PRKCE: variants seen among roughly 807,000 people sequenced by gnomAD.
PRKCE encodes protein kinase C epsilon, also known as protein kinase C epsilon type.
PRKCE carries 16 observed loss-of-function variants against 85.4 expected under a neutral mutation model. That is an observed-to-expected ratio of 0.19 (90% CI 0.13 to 0.28). The LOEUF (loss-of-function observed/expected upper bound fraction) is 0.28, where lower values mean the gene tolerates loss of function less well. Among genes scored for constraint, PRKCE ranks in the 10% least tolerant of loss-of-function variants. The probability of loss-of-function intolerance (pLI) is 1.00; values close to 1 mark genes in which losing one functional copy is unlikely to be tolerated. For missense variants in PRKCE, 573 were observed against 975.2 expected (o/e 0.59, Z 5.49); for synonymous variants, 388 against 371.5 (o/e 1.04, Z -0.51).
intron 2 of PRKCE, among the ~76,000 whole-genome samples, chr2:45,963,890 G>C (rs1701554347): frequency 2.0e-5 from 3 of 152,248 alleles, no homozygotes; most frequent in African/African-American, 7.2e-5. Flanking sequence ...TTGGCTCACT[G>C]CGGTAGTCTG....
At chr2:45,960,000 C>G (rs1370725636) in intron 2 of PRKCE, among the ~76,000 whole-genome samples, 3 of 152,148 alleles carry the variant, frequency 2.0e-5, no homozygotes, top group African/African-American at 7.2e-5. Flanking sequence ...AGAAATTGGC[C>G]TCTCCTCTTC....
chr2:45,840,369 A>G (rs922943130), intron 1 of PRKCE: 14 of 152,256 alleles, frequency 9.2e-5, no homozygotes, highest in Admixed American at 4.6e-4. Context: ...CCTGTTTGTC[A>G]TTCGCTGCAG....
intron 2 of PRKCE, among the ~76,000 whole-genome samples, chr2:45,878,975 A>G (rs912696962): frequency 6.6e-6 from 1 of 152,230 alleles, no homozygotes; most frequent in African/African-American, 2.4e-5. Context: ...CAGGACGCAG[A>G]GAAATTCTAG....
intron 10 of PRKCE, among the ~76,000 whole-genome samples, chr2:46,064,422 G>A (rs529859968): frequency 3.8e-4 from 58 of 152,176 alleles, no homozygotes; most frequent in African/African-American, 1.3e-3. Flanking sequence ...TCAGTAATTG[G>A]CAATCCCAAA....
intron 2 of PRKCE, among the ~76,000 whole-genome samples, chr2:45,858,014 C>T (rs1573630215): frequency 1.3e-5 from 2 of 152,236 alleles, no homozygotes; most frequent in Non-Finnish European, 2.9e-5. Context: ...TGAGCGTCCA[C>T]GTGTGGCCTG....
chr2:45,770,390 C>T (rs192661935), intron 1 of PRKCE, among the ~76,000 whole-genome samples: 2 of 152,268 alleles, frequency 1.3e-5, no homozygotes, highest in African/African-American at 4.8e-5. Flanking sequence ...GTGCATATTG[C>T]CTAAGGTTCT....
At chr2:45,846,822 C>T (rs1373738234) in intron 2 of PRKCE, among the ~76,000 whole-genome samples, 1 of 152,154 alleles carries the variant, frequency 6.6e-6, no homozygotes, top group East Asian at 1.9e-4. Context: ...GGTGCTAGGC[C>T]AGGATTGTCA....
chr2:46,004,692 A>T lies in PRKCE; in HGVS notation c.1063+54A>T. 2.1e-6 allele frequency: 3 copies of T among 1,453,200 alleles called. No individual in the cohort carries two copies. The East Asian group carries it at 7.4e-5, about 36-fold the overall frequency. 90.0% of individuals were successfully genotyped at this position (1,453,200 alleles called of 1,614,324 possible). ...TCTGAGTTCTGCCATTGGATGGACC[A>T]AGGAGCTCTGAGGCCTCTTTAACCA... On this transcript the variant is annotated intron_variant, in intron 8 of 14. Coordinates refer to ENST00000306156, the MANE Select transcript of PRKCE (RefSeq NM_005400.3). This position sits in a 1 kb window ranked among gnomAD's most constrained non-coding sequence, Gnocchi z 4.1.
At chr2:46,057,683 C>A (rs977872064) in intron 10 of PRKCE, among the ~76,000 whole-genome samples, 1 of 152,170 alleles carries the variant, frequency 6.6e-6, no homozygotes, top group African/African-American at 2.4e-5. Flanking sequence ...ATCCACCCGG[C>A]TCAGCCTTCA....
chr2:45,972,879 T>A (rs72804716), intron 2 of PRKCE, among the ~76,000 whole-genome samples: 1 of 152,146 alleles, frequency 6.6e-6, no homozygotes, highest in Non-Finnish European at 1.5e-5. Context: ...CTCAAAGGCA[T>A]TTTTCAATAA....
At chr2:46,067,052 A>G (rs1454086585) in intron 10 of PRKCE, among the ~76,000 whole-genome samples, 1 of 152,218 alleles carries the variant, frequency 6.6e-6, no homozygotes, top group East Asian at 1.9e-4. Flanking sequence ...ATAAAAAGAT[A>G]AGGATCATTT....
intron 1 of PRKCE, among the ~76,000 whole-genome samples, chr2:45,692,805 G>A (rs190426614): frequency 7.2e-5 from 11 of 152,008 alleles, no homozygotes; most frequent in South Asian, 4.2e-4. Flanking sequence ...ATGTAGAATC[G>A]GTCCATTCTA....
At chr2:45,744,486 T>TTTCTTTCTCTTTC (rs1491120921) in intron 1 of PRKCE, among the ~76,000 whole-genome samples, 1 of 37,110 alleles carries the variant, frequency 2.7e-5, no homozygotes, top group African/African-American at 1.0e-4. Flanking sequence ...TCTTTCTTTC[T>TTTCTTTCTCTTTC]TTTTCTTTCT....
intron 11 of PRKCE, among the ~76,000 whole-genome samples, chr2:46,101,169 A>G (rs1402490531): frequency 6.6e-6 from 1 of 152,090 alleles, no homozygotes; most frequent in Non-Finnish European, 1.5e-5. Flanking sequence ...TGCCTGGCCT[A>G]TTTCTTTTTT....
chr2:45,776,412 C>T (rs751719216), intron 1 of PRKCE, among the ~76,000 whole-genome samples: 13 of 152,178 alleles, frequency 8.5e-5, no homozygotes, highest in Non-Finnish European at 1.8e-4. Flanking sequence ...GAAATTGCCA[C>T]TGCTCCTGAA....
intron 6 of PRKCE, among the ~76,000 whole-genome samples, chr2:45,994,805 A>G (rs184552553): frequency 1.2e-3 from 186 of 152,314 alleles, no homozygotes; most frequent in African/African-American, 4.3e-3. Flanking sequence ...AAATATCAGT[A>G]GTGTAATTGC....
At chr2:46,170,640 T>G (rs183490248) in intron 14 of PRKCE, among the ~76,000 whole-genome samples, 13 of 152,338 alleles carry the variant, frequency 8.5e-5, no homozygotes, top group Admixed American at 8.5e-4. Context: ...AATTCTCTTC[T>G]CACCTTTTAT....
intron 2 of PRKCE, among the ~76,000 whole-genome samples, chr2:45,906,076 G>A (rs970715926): frequency 2.6e-5 from 4 of 152,244 alleles, no homozygotes; most frequent in African/African-American, 9.7e-5. Context: ...ATCCTAACTT[G>A]GTAGACCCAG....
At chr2:45,755,345 G>A (rs1285067335) in intron 1 of PRKCE, among the ~76,000 whole-genome samples, 1 of 152,200 alleles carries the variant, frequency 6.6e-6, no homozygotes, top group Non-Finnish European at 1.5e-5. Context: ...GCCCAGATAA[G>A]GGAGAGAAGG....
Sources: allele counts gnomAD v4.1 joint callset (sites outside exome capture counted in the v4.1 genomes callset), GRCh38; gene constraint gnomAD v4.1.1; non-coding constraint Gnocchi (gnomAD v3.1); transcripts MANE v1.5; gene names NCBI Gene and HGNC (gene_info 2026-07-23, HGNC 2026-07-21).